Variants in MARCHF1 observed in about 807,000 individuals in gnomAD.
The protein encoded by MARCHF1 is E3 ubiquitin-protein ligase MARCHF1.
In MARCHF1, 40 loss-of-function variants were observed where a neutral mutation model predicts 54.2. That is an observed-to-expected ratio of 0.74 (90% CI 0.57 to 0.96). MARCHF1 has a LOEUF of 0.96. Among genes scored for constraint, MARCHF1 ranks in the 40% least tolerant of loss-of-function variants. The pLI, the probability that MARCHF1 is intolerant of heterozygous loss-of-function variation, is 0.00. For synonymous variants in MARCHF1, 236 were observed against 236.3 expected, an observed-to-expected ratio of 1.00 and a Z score of 0.01; for missense variants, 586 against 656.5, an observed-to-expected ratio of 0.89 and a Z score of 1.17.
chr4:164,044,754 T>C (rs1425581616), intron 2 of MARCHF1, among the ~76,000 whole-genome samples: 2 of 152,034 alleles, frequency 1.3e-5, no homozygotes, highest in Admixed American at 6.6e-5. Context: ...GTGGACACTA[T>C]AGACTCTCTA....
intron 1 of MARCHF1, among the ~76,000 whole-genome samples, chr4:164,295,039 G>T (rs1334487537): frequency 6.6e-6 from 1 of 151,286 alleles, no homozygotes; most frequent in South Asian, 2.1e-4. Context: ...ACACATTTAC[G>T]TAAGTTTTAC....
chr4:164,064,318 T>C (rs893634297), intron 2 of MARCHF1, among the ~76,000 whole-genome samples: 4 of 152,238 alleles, frequency 2.6e-5, no homozygotes, highest in Non-Finnish European at 5.9e-5. Flanking sequence ...TCCATTTGTT[T>C]GTATCATCTC....
At chr4:164,337,567 T>A (rs929374125) in intron 1 of MARCHF1, among the ~76,000 whole-genome samples, 4 of 152,196 alleles carry the variant, frequency 2.6e-5, no homozygotes, top group Non-Finnish European at 4.4e-5. Flanking sequence ...AAAGAGGTCA[T>A]ATTCCTTAGT....
intron 8 of MARCHF1, 114 bp downstream of exon 8, chr4:163,585,635 C>T (rs897883528): frequency 1.2e-6 from 1 of 805,562 alleles, no homozygotes; most frequent in Non-Finnish European, 1.9e-6. Flanking sequence ...AAGACACATA[C>T]CCTTAATGGA....
chr4:164,306,082 A>T (rs980339955), intron 1 of MARCHF1, among the ~76,000 whole-genome samples: 6 of 152,120 alleles, frequency 3.9e-5, no homozygotes, highest in Admixed American at 6.6e-5. Flanking sequence ...GTGAAATTAT[A>T]TTGTCTTTAT....
intron 1 of MARCHF1, among the ~76,000 whole-genome samples, chr4:164,297,737 G>T (rs573901131): frequency 6.6e-6 from 1 of 152,232 alleles, no homozygotes; most frequent in Non-Finnish European, 1.5e-5. Context: ...TATACCCATG[G>T]TTATCAGTGA....
At chr4:163,956,217 A>G (rs1752230261) in intron 3 of MARCHF1, among the ~76,000 whole-genome samples, 1 of 152,148 alleles carries the variant, frequency 6.6e-6, no homozygotes, top group South Asian at 2.1e-4. Flanking sequence ...AGAAAGTTAA[A>G]AGAAAGTCTG....
intron 5 of MARCHF1, among the ~76,000 whole-genome samples, chr4:163,688,729 A>C (rs1478426423): frequency 6.6e-6 from 1 of 152,152 alleles, no homozygotes; most frequent in Non-Finnish European, 1.5e-5. Flanking sequence ...TAAGAGTATC[A>C]GTAGAGAGCA....
At chr4:164,190,963 ATTG>A (rs1731108137) in intron 1 of MARCHF1, among the ~76,000 whole-genome samples, 1 of 152,090 alleles carries the variant, frequency 6.6e-6, no homozygotes, top group South Asian at 2.1e-4. Context: ...CTCTGTTGTT[ATTG>A]TTGTGTGTTT....
At chr4:163,922,400 G>A (rs1167861598) in intron 3 of MARCHF1, among the ~76,000 whole-genome samples, 1 of 152,120 alleles carries the variant, frequency 6.6e-6, no homozygotes, top group Non-Finnish European at 1.5e-5. Context: ...GGTTTTTCAT[G>A]TTAGATCAAT....
chr4:164,002,955 A>T (rs1379906599), intron 2 of MARCHF1, among the ~76,000 whole-genome samples: 1 of 151,974 alleles, frequency 6.6e-6, no homozygotes, highest in African/African-American at 2.4e-5. Flanking sequence ...AAGCAAAATT[A>T]ACTATATTAA....
intron 2 of MARCHF1, among the ~76,000 whole-genome samples, chr4:164,013,801 T>C (rs1753478343): frequency 6.6e-6 from 1 of 152,126 alleles, no homozygotes; most frequent in African/African-American, 2.4e-5. Flanking sequence ...AAACACAAAC[T>C]AGAAATAAAG....
chr4:163,961,334 A>G (rs1752342753), intron 3 of MARCHF1, among the ~76,000 whole-genome samples: 1 of 152,012 alleles, frequency 6.6e-6, no homozygotes, highest in Non-Finnish European at 1.5e-5. Context: ...CCTAGAGAAA[A>G]TTAACACATA....
chr4:164,181,404 T>C (rs1303517742), intron 1 of MARCHF1, among the ~76,000 whole-genome samples: 1 of 152,208 alleles, frequency 6.6e-6, no homozygotes, highest in Non-Finnish European at 1.5e-5. Context: ...TATGTATGTC[T>C]AATTTTTAGC....
chr4:164,216,001 G>C (rs7692190), intron 1 of MARCHF1, among the ~76,000 whole-genome samples: 1 of 152,152 alleles, frequency 6.6e-6, no homozygotes, highest in Non-Finnish European at 1.5e-5. Context: ...TATTTAATTA[G>C]GTTCTCACAT....
intron 4 of MARCHF1, among the ~76,000 whole-genome samples, chr4:163,756,562 G>A (rs1246487609): frequency 7.0e-6 from 1 of 142,624 alleles, no homozygotes; most frequent in Non-Finnish European, 1.5e-5. Context: ...GAACCAGGAG[G>A]CAGAGGTTGC....
At chr4:163,753,987 A>C (rs926294582) in intron 4 of MARCHF1, among the ~76,000 whole-genome samples, 4 of 152,194 alleles carry the variant, frequency 2.6e-5, no homozygotes, top group Admixed American at 6.5e-5. Flanking sequence ...AAATAACTAA[A>C]TGTTTCAGTT....
intron 4 of MARCHF1, among the ~76,000 whole-genome samples, chr4:163,755,485 G>A (rs149751520): frequency 5.3e-5 from 8 of 152,124 alleles, no homozygotes; most frequent in Non-Finnish European, 1.0e-4. Context: ...TAATACCAGG[G>A]CTCTTAGTTT....
intron 1 of MARCHF1, among the ~76,000 whole-genome samples, chr4:164,290,205 C>T (rs1444512483): frequency 8.6e-5 from 13 of 151,924 alleles, no homozygotes; most frequent in Admixed American, 1.3e-4. Flanking sequence ...GTATCCTTGG[C>T]ACCTTGGATA....
Sources: allele counts gnomAD v4.1 joint callset (sites outside exome capture counted in the v4.1 genomes callset), GRCh38; gene constraint gnomAD v4.1.1; transcripts MANE v1.5; gene names NCBI Gene and HGNC (gene_info 2026-07-23, HGNC 2026-07-21).